The following SPAST variants were observed in gnomAD, a reference collection of about 807,000 sequenced individuals.
The protein encoded by SPAST is spastin.
A neutral mutation model predicts 76.6 loss-of-function variants in SPAST; 30 were observed. That is an observed-to-expected ratio of 0.39 (90% CI 0.29 to 0.53). SPAST has a LOEUF of 0.53. Among genes scored for constraint, SPAST ranks in the 20% least tolerant of loss-of-function variants. The pLI, the probability that SPAST is intolerant of heterozygous loss-of-function variation, is 0.68. For synonymous variants in SPAST, 305 were observed against 281.0 expected (o/e 1.09, Z -0.86); for missense variants, 717 against 770.5 (o/e 0.93, Z 0.82).
intron 3 of SPAST, among the ~76,000 whole-genome samples, chr2:32,095,275 A>G (rs1677875161): frequency 1.3e-5 from 2 of 152,222 alleles, no homozygotes; most frequent in Non-Finnish European, 2.9e-5. Flanking sequence ...AAACAGACAC[A>G]TAAATAGTCA....
chr2:32,131,678 T>C (rs1365523278), intron 9 of SPAST, among the ~76,000 whole-genome samples: 2 of 144,648 alleles, frequency 1.4e-5, no homozygotes, highest in African/African-American at 5.1e-5. Context: ...TCTCTTTTTT[T>C]TTTTTTTTTT....
chr2:32,146,902 T>G (rs1377548852), intron 15 of SPAST, among the ~76,000 whole-genome samples: 1 of 117,070 alleles, frequency 8.5e-6, no homozygotes, highest in Non-Finnish European at 1.9e-5. Flanking sequence ...AAGTGCAGAG[T>G]AAAAACAAAA....
chr2:32,081,108 G>T (rs755883319), intron 1 of SPAST, among the ~76,000 whole-genome samples: 1 of 152,078 alleles, frequency 6.6e-6, no homozygotes, highest in Admixed American at 6.6e-5. Context: ...ACAGGCGTGC[G>T]CCACCACGCC....
intron 9 of SPAST, among the ~76,000 whole-genome samples, chr2:32,136,288 G>A (rs540528081): frequency 6.6e-6 from 1 of 151,994 alleles, no homozygotes; most frequent in East Asian, 1.9e-4. Flanking sequence ...TTATATCCTT[G>A]ACTGAAGAGC....
intron 3 of SPAST, 95 bp downstream of exon 3, chr2:32,089,700 A>G: frequency 1.3e-6 from 1 of 757,394 alleles, no homozygotes; most frequent in African/African-American, 1.7e-5. Flanking sequence ...GTGATTGAAA[A>G]TGTGGTCCAG....
rs10534612 is a variant in SPAST at position 32,113,560 on chromosome 2, CTTT to C, written c.683-1057_683-1055del. On this transcript the variant is annotated intron_variant, in intron 4 of 16. Coordinates refer to ENST00000315285, the MANE Select transcript of SPAST (RefSeq NM_014946.4). ...TTTGAGAGCTTTATTTGCTTCATAACTTTTTTTTTTTTTTTTTTTTTTTGAGAC... is the reference window on the plus strand; with the variant it reads ...TTTGAGAGCTTTATTTGCTTCATAACTTTTTTTTTTTTTTTTTTTTGAGAC... Among the ~76,000 whole-genome samples the C allele has an allele frequency of 2.5e-3, 223 of 90,918 alleles. 1 individual carries two copies. Among genetic ancestry groups the C allele is most frequent in the East Asian group, 0.012 (35 of 2,874 alleles). 59.6% of individuals were successfully genotyped at this position (90,918 alleles called of 152,430 possible).
intron 1 of SPAST, among the ~76,000 whole-genome samples, chr2:32,073,312 C>T (rs1219791587): frequency 1.3e-5 from 2 of 152,088 alleles, no homozygotes; most frequent in African/African-American, 2.4e-5. Flanking sequence ...GGATTACAGG[C>T]GTGAGCCACT....
At chr2:32,064,292 C>CCCGGGAAAAAGGGG in intron 1 of SPAST, 46 bp downstream of exon 1, 2 of 284,178 alleles carry the variant, frequency 7.0e-6, no homozygotes, top group Non-Finnish European at 1.3e-5. Flanking sequence ...GGGAAGAAGG[C>CCCGGGAAAAAGGGG]GGTGGGGTCG....
chr2:32,085,021 C>T (rs1428638441), intron 1 of SPAST, among the ~76,000 whole-genome samples: 2 of 151,574 alleles, frequency 1.3e-5, no homozygotes, highest in Non-Finnish European at 2.9e-5. Flanking sequence ...ACATTGTTAT[C>T]ACTTTTGTTG....
chr2:32,105,940 C>T (rs761227419), intron 4 of SPAST, among the ~76,000 whole-genome samples: 3 of 152,168 alleles, frequency 2.0e-5, no homozygotes, highest in Non-Finnish European at 2.9e-5. Flanking sequence ...TCTGTCCGTT[C>T]GCCGATCTCA....
intron 15 of SPAST, among the ~76,000 whole-genome samples, chr2:32,145,303 C>A (rs1332765252): frequency 6.6e-5 from 10 of 152,034 alleles, no homozygotes; most frequent in African/African-American, 2.2e-4. Flanking sequence ...CACCATGTTG[C>A]CCAAGCTGGT....
chr2:32,095,569 A>T (rs1373381630), intron 3 of SPAST, among the ~76,000 whole-genome samples: 1 of 147,378 alleles, frequency 6.8e-6, no homozygotes, highest in Admixed American at 6.8e-5. Context: ...CCATGTCTAA[A>T]TTTAAAAAAA....
intron 4 of SPAST, among the ~76,000 whole-genome samples, chr2:32,102,864 C>T (rs374736317): frequency 3.9e-5 from 6 of 152,132 alleles, no homozygotes; most frequent in East Asian, 3.8e-4. Flanking sequence ...CTGCTGGATT[C>T]GGTTTGCCAG....
At chr2:32,096,064 G>A (rs1573083431) in intron 3 of SPAST, among the ~76,000 whole-genome samples, 1 of 152,224 alleles carries the variant, frequency 6.6e-6, no homozygotes, top group South Asian at 2.1e-4. Flanking sequence ...AAGCAGCAAA[G>A]TTACTGCTTT....
At chr2:32,117,148 G>T (rs907153525) in intron 7 of SPAST, among the ~76,000 whole-genome samples, 3 of 152,020 alleles carry the variant, frequency 2.0e-5, no homozygotes, top group African/African-American at 7.2e-5. Flanking sequence ...AGCTACTCGG[G>T]ATGCTGAGGC....
At chr2:32,134,463 CA>C (rs140856561) in intron 9 of SPAST, among the ~76,000 whole-genome samples, 9 of 147,016 alleles carry the variant, frequency 6.1e-5, no homozygotes, top group East Asian at 2.0e-4. Flanking sequence ...GACTCCATCT[CA>C]AAAAAAAAAA....
chr2:32,082,161 G>A (rs552003100), intron 1 of SPAST, among the ~76,000 whole-genome samples: 1 of 150,176 alleles, frequency 6.7e-6, no homozygotes, highest in Non-Finnish European at 1.5e-5. Flanking sequence ...CCCAGCTAAT[G>A]TTTGTATTTT....
At chr2:32,143,201 G>A (rs1573167243) in intron 13 of SPAST, 135 bp from the exon 14 acceptor site, 2 of 580,388 alleles carry the variant, frequency 3.4e-6, no homozygotes, top group South Asian at 2.1e-5. Flanking sequence ...CCAGGATATC[G>A]AGGCTATAGT....
In SPAST at chr2:32,155,525, G is replaced by A. The variant is rs1450820813; in HGVS notation, c.*1029G>A. On this transcript the variant is annotated 3_prime_UTR_variant, in exon 17 of 17. Coordinates refer to ENST00000315285, the MANE Select transcript of SPAST (RefSeq NM_014946.4). ...CTTAATAATTATTAATCCCTTCAAT[G>A]AAACTTTAAAAAAACTGAATTTTTA... is the stretch of plus-strand genomic sequence containing the variant. 2 of 152,370 alleles carry A rather than the reference G, an allele frequency of 1.3e-5. No individual in the cohort carries two copies. The highest frequency in any genetic ancestry group is 2.1e-4 in the South Asian group (1 of 4,818). 9.4% of individuals were successfully genotyped at this position (152,370 alleles called of 1,614,324 possible).
Sources: gnomAD v4.1 joint callset for allele counts (sites outside exome capture counted in the v4.1 genomes callset) on GRCh38, gnomAD v4.1.1 for gene constraint, MANE v1.5 for transcripts, NCBI Gene and HGNC (gene_info 2026-07-23, HGNC 2026-07-21) for gene names.